PRKCA: variants seen among roughly 807,000 people sequenced by gnomAD.
PRKCA encodes protein kinase C alpha type.
In PRKCA, 27 loss-of-function variants were observed where a neutral mutation model predicts 87.0. The ratio of observed to expected loss-of-function variants is 0.31; its 90% CI spans 0.23 to 0.43. PRKCA has a LOEUF of 0.43. PRKCA is among the 20% of genes least tolerant of loss of function. The pLI is 1.00. For synonymous variants in PRKCA, 329 were observed against 311.1 expected, an observed-to-expected ratio of 1.06 and a Z score of -0.61; for missense variants, 518 against 852.3, an observed-to-expected ratio of 0.61 and a Z score of 4.88.
chr17:66,399,100 C>CTTTTCTTTTCTT lies in PRKCA; in HGVS notation c.205+92977_205+92978insCTTTTCTTTTTT, dbSNP rs1555598364. On this transcript the variant is annotated intron_variant, in intron 2 of 16. Coordinates refer to ENST00000413366, the MANE Select transcript of PRKCA (RefSeq NM_002737.3). ...ACAGCATTTTCTTTTCTTTTCTTTT[C>CTTTTCTTTTCTT]TTTTTTTTTTTTTTTTGAGACAGGG... Among the ~76,000 whole-genome samples, 725 of 117,232 alleles carry CTTTTCTTTTCTT rather than the reference C, an allele frequency of 6.2e-3. 9 individuals carry two copies. Among genetic ancestry groups the CTTTTCTTTTCTT allele is most frequent in the East Asian group, 0.024 (102 of 4,260 alleles). The allele number at this position is 117,232 out of a possible 152,430, so 76.9% of individuals were successfully genotyped here.
intron 5 of PRKCA, among the ~76,000 whole-genome samples, chr17:66,686,558 TG>T (rs1317907656): frequency 6.6e-6 from 1 of 152,214 alleles, no homozygotes. Context: ...AGTTTAATTC[TG>T]GGGATTAGAA....
At chr17:66,556,323 C>CTTTTTTT (rs61549626) in intron 3 of PRKCA, among the ~76,000 whole-genome samples, 27 of 128,934 alleles carry the variant, frequency 2.1e-4, no homozygotes, top group South Asian at 1.2e-3. Context: ...CTTTCTTCTT[C>CTTTTTTT]TTTTTTTTTT....
intron 3 of PRKCA, among the ~76,000 whole-genome samples, chr17:66,496,730 G>A (rs1039546419): frequency 1.5e-5 from 2 of 137,900 alleles, no homozygotes; most frequent in African/African-American, 2.7e-5. Context: ...TGCAACCTCC[G>A]CCTTCCAGGT....
intron 13 of PRKCA, among the ~76,000 whole-genome samples, chr17:66,766,534 A>G (rs1393780766): frequency 6.6e-6 from 1 of 152,198 alleles, no homozygotes; most frequent in African/African-American, 2.4e-5. Context: ...CTGTTGCTTC[A>G]GCCCTGCCAC....
At position 66,805,980 on chromosome 17, in the gene PRKCA, C is replaced by T. The variant is rs1403351292; in HGVS notation, c.*1943C>T. The T allele has an allele frequency of 6.6e-6, 1 of 152,286 alleles. No homozygotes were observed. Among genetic ancestry groups the T allele is most frequent in the Non-Finnish European group, 1.5e-5 (1 of 68,096 alleles). 9.4% of individuals were successfully genotyped at this position (152,286 alleles called of 1,614,324 possible). ...ACAAACTTCGTGAGACCAACACAGC[C>T]GTGCCCTGCAGGCACCAGCACGTGC... On this transcript the variant is annotated 3_prime_UTR_variant, in exon 17 of 17. Transcript: ENST00000413366.
chr17:66,608,066 G>C (rs999573159), intron 3 of PRKCA, among the ~76,000 whole-genome samples: 36 of 152,000 alleles, frequency 2.4e-4, no homozygotes, highest in Middle Eastern at 3.4e-3. Context: ...CCTGACTTCT[G>C]TCGTCTGCTG....
chr17:66,565,633 C>T (rs1053045074), intron 3 of PRKCA, among the ~76,000 whole-genome samples: 2 of 152,102 alleles, frequency 1.3e-5, no homozygotes, highest in African/African-American at 4.8e-5. Context: ...TCTTCTCAGT[C>T]GCGGTGTTTC....
chr17:66,440,240 A>C (rs552123716), intron 2 of PRKCA, among the ~76,000 whole-genome samples: 118 of 152,368 alleles, frequency 7.7e-4, no homozygotes, highest in Non-Finnish European at 8.8e-5. Flanking sequence ...AAATGAGTCC[A>C]GACCCCATGG....
intron 3 of PRKCA, among the ~76,000 whole-genome samples, chr17:66,585,299 G>T (rs890717196): frequency 6.6e-6 from 1 of 152,122 alleles, no homozygotes; most frequent in African/African-American, 2.4e-5. Context: ...TGTTGAACAC[G>T]CCTGACCCCC....
chr17:66,738,656 T>A, intron 10 of PRKCA, 108 bp from the exon 11 acceptor site: 1 of 841,724 alleles, frequency 1.2e-6, no homozygotes, highest in East Asian at 2.4e-5. Context: ...CATCTGCCCA[T>A]GCAGTCCCCA....
intron 2 of PRKCA, among the ~76,000 whole-genome samples, chr17:66,325,220 G>A (rs1157871258): frequency 2.0e-5 from 3 of 152,254 alleles, no homozygotes; most frequent in Admixed American, 2.0e-4. Flanking sequence ...TTTAGAATGG[G>A]TTGGGGAGTG....
chr17:66,796,721 C>T, intron 16 of PRKCA: 1 of 985,366 alleles, frequency 1.0e-6, no homozygotes. Context: ...CAGCCCATTT[C>T]TGCTGTTATT....
intron 3 of PRKCA, among the ~76,000 whole-genome samples, chr17:66,608,124 C>A (rs764034666): frequency 6.6e-6 from 1 of 151,742 alleles, no homozygotes; most frequent in Non-Finnish European, 1.5e-5. Context: ...CCGACTGAAG[C>A]ACACCGATTG....
chr17:66,396,418 A>G (rs1000385965), intron 2 of PRKCA, among the ~76,000 whole-genome samples: 2 of 152,220 alleles, frequency 1.3e-5, no homozygotes, highest in African/African-American at 4.8e-5. Flanking sequence ...CCAATTTGAA[A>G]GAGAATAAAT....
intron 13 of PRKCA, among the ~76,000 whole-genome samples, chr17:66,768,349 G>A (rs964449741): frequency 2.6e-5 from 4 of 151,598 alleles, no homozygotes; most frequent in Non-Finnish European, 5.9e-5. Context: ...GGCCTCCCGA[G>A]CTACTGGGAT....
At chr17:66,769,557 C>G (rs1322463779) in intron 13 of PRKCA, among the ~76,000 whole-genome samples, 1 of 152,134 alleles carries the variant, frequency 6.6e-6, no homozygotes, top group Non-Finnish European at 1.5e-5. Context: ...AACAGTGTGG[C>G]CTGCTGCACA....
At chr17:66,472,174 G>T (rs991148367) in intron 2 of PRKCA, among the ~76,000 whole-genome samples, 2 of 152,130 alleles carry the variant, frequency 1.3e-5, no homozygotes, top group East Asian at 3.9e-4. Flanking sequence ...ATGTTGCCCA[G>T]GAGTGGTCCT....
chr17:66,676,628 CG>C (rs895998242), intron 5 of PRKCA: 2 of 152,198 alleles, frequency 1.3e-5, no homozygotes, highest in Non-Finnish European at 2.9e-5. Context: ...TGGGACCGGC[CG>C]GGGAAGCCTG....
At chr17:66,499,545 T>C (rs1916636662) in intron 3 of PRKCA, among the ~76,000 whole-genome samples, 1 of 152,242 alleles carries the variant, frequency 6.6e-6, no homozygotes, top group Admixed American at 6.5e-5. Context: ...ACTCATTTCA[T>C]GCTCAGATTT....
Sources: gnomAD v4.1 joint callset for allele counts (sites outside exome capture counted in the v4.1 genomes callset) on GRCh38, gnomAD v4.1.1 for gene constraint, MANE v1.5 for transcripts, NCBI Gene and HGNC (gene_info 2026-07-23, HGNC 2026-07-21) for gene names.